Variants in ACACB observed in about 807,000 individuals in gnomAD.
The protein encoded by ACACB is acetyl-CoA carboxylase 2.
In ACACB, 209 loss-of-function variants were observed where a neutral mutation model predicts 278.8. The observed-to-expected ratio is 0.75, with a 90% CI of 0.67 to 0.84. The LOEUF is 0.84. Ranked by LOEUF, ACACB falls within the 40% of genes least tolerant of loss-of-function variation. The pLI is 0.00. For synonymous variants in ACACB, 1,174 were observed against 1,285.6 expected (o/e 0.91, Z 1.86); for missense variants, 2,850 against 3,269.0 (o/e 0.87, Z 3.13).
At chr12:109,177,307 A>G (rs1246087110) in intron 9 of ACACB, among the ~76,000 whole-genome samples, 1 of 152,246 alleles carries the variant, frequency 6.6e-6, no homozygotes, top group Non-Finnish European at 1.5e-5. Context: ...TATGAATAAT[A>G]ATACCACAGT....
chr12:109,243,076 T>C lies in ACACB; in HGVS notation c.5178+484T>C, dbSNP rs11065948. On this transcript the variant is annotated intron_variant, in intron 37 of 52. Coordinates refer to ENST00000338432, the MANE Select transcript of ACACB (RefSeq NM_001093.4). ...TAATTTATCCCAATGATAAAAGTCA[T>C]AGGATATAGAAACTTCAGAAAATAA... Among the ~76,000 whole-genome samples, 287 of 152,326 alleles carry C rather than the reference T, an allele frequency of 1.9e-3. 4 individuals are homozygous for C. The East Asian group carries it at 0.053, about 28-fold the overall frequency.
intron 2 of ACACB, among the ~76,000 whole-genome samples, chr12:109,147,048 C>T (rs77225233): frequency 2.0e-3 from 297 of 152,208 alleles, no homozygotes; most frequent in African/African-American, 6.7e-3. Context: ...ATTCTGTAGC[C>T]GGTCCTGCCT....
rs572695459 is a variant in ACACB at position 109,119,639 on chromosome 12, A to G, written c.-10+2935A>G. On this transcript the variant is annotated intron_variant, in intron 1 of 52. Coordinates refer to ENST00000338432, the MANE Select transcript of ACACB (RefSeq NM_001093.4). ...AGACAGGGCTGGGTGGCTCACGCCT[A>G]TAATCCCAGCACTTTGGGAGGCTGA... Among the ~76,000 whole-genome samples, 137 of 150,520 alleles carry G rather than the reference A, an allele frequency of 9.1e-4. 2 individuals are homozygous for G. The highest frequency in any genetic ancestry group is 3.2e-3 in the African/African-American group (132 of 40,918).
chr12:109,139,564 C>G lies in ACACB; in HGVS notation c.159C>G (p.Asn53Lys). Reference protein sequence around the residue: ...PSQEPFPASDNSGETPQRNGE... With the variant: ...PSQEPFPASDKSGETPQRNGE... ...AGGAGCCCTTTCCAGCCTCTGATAA[C>G]TCAGGGGAGACACCGCAGAGAAATG... Residue 53 changes from asparagine to lysine, a missense_variant, in exon 2 of 53, where the codon AAC becomes AAG. By Grantham distance (94) the Asn-to-Lys change is moderately conservative (BLOSUM62 0). Around this residue, in one of 3 missense-constraint regions of ACACB, gnomAD observed 2,265 missense variants for 2,561.3 expected, o/e 0.88. Transcript: ENST00000338432. The G allele has an allele frequency of 6.2e-7, 1 of 1,614,120 alleles. No individual in the cohort carries two copies. The highest frequency in any genetic ancestry group is 8.5e-7 in the Non-Finnish European group (1 of 1,180,028).
Position 109,252,111 on chromosome 12 carries a change from G to A in ACACB, c.5856G>A (p.Val1952=), listed in dbSNP as rs2047111431. The A allele has an allele frequency of 9.3e-6, 15 of 1,613,566 alleles. No homozygotes were observed. Among genetic ancestry groups the A allele is most frequent in the Non-Finnish European group, 1.2e-5 (14 of 1,179,814 alleles). Residue 1952 remains valine, a synonymous_variant, in exon 42 of 53, where the codon GTG becomes GTA. Transcript: ENST00000338432. The part of the protein sequence containing the change: ...LVRLGQRVIQ[V]ENSHIILTGA... ...GGCTGGGCCAGCGAGTGATCCAGGTGGAGAATTCCCACATCATCCTCACAG... is the reference window on the plus strand; with the variant it reads ...GGCTGGGCCAGCGAGTGATCCAGGTAGAGAATTCCCACATCATCCTCACAG...
rs2047285550 is a variant in ACACB at position 109,258,352 on chromosome 12, T to C, written c.6348T>C (p.Asp2116=). 6.2e-7 allele frequency: 1 copy of C among 1,611,514 alleles called. No individual in the cohort carries two copies. Among genetic ancestry groups the C allele is most frequent in the South Asian group, 1.1e-5 (1 of 90,524 alleles). Residue 2116 remains aspartate (D), a synonymous_variant, in exon 46 of 53, where the codon GAT becomes GAC. Coordinates refer to ENST00000338432, the MANE Select transcript of ACACB (RefSeq NM_001093.4). ...TCCCTGCAGACCCTGCCAACCTGGA[T>C]TCTGAGGCCAAGGTGAGGGGGCCGG... ...VAVPADPANL[D]SEAKIIQQAG...
chr12:109,248,359 C>T (rs2047004643), intron 40 of ACACB, among the ~76,000 whole-genome samples: 1 of 152,190 alleles, frequency 6.6e-6, no homozygotes, highest in South Asian at 2.1e-4. Context: ...AATTGACTCA[C>T]ATGATCATAA....
intron 11 of ACACB, among the ~76,000 whole-genome samples, chr12:109,182,311 G>A (rs2044504068): frequency 1.3e-5 from 2 of 152,110 alleles, no homozygotes; most frequent in Non-Finnish European, 2.9e-5. Flanking sequence ...TGTCTATTCA[G>A]ATCTTTTGTC....
intron 19 of ACACB, among the ~76,000 whole-genome samples, chr12:109,202,201 T>C (rs1202058508): frequency 2.1e-5 from 3 of 140,850 alleles, no homozygotes; most frequent in Non-Finnish European, 4.8e-5. Context: ...ATTTTTAGTA[T>C]AGTTTTAGAT....
Position 109,266,396 on chromosome 12 carries a change from C to A in ACACB, c.*34C>A. ...CGCCCAGCCACTCCCGGGACCACGG[C>A]AAAAGGAACCACCCAGACCCACCAC... On this transcript the variant is annotated 3_prime_UTR_variant, in exon 53 of 53. Transcript: ENST00000338432. 1 of 1,576,646 alleles carries A rather than the reference C, an allele frequency of 6.3e-7. No homozygotes were observed. The highest frequency in any genetic ancestry group is 8.6e-7 in the Non-Finnish European group (1 of 1,165,160).
At chr12:109,149,673 A>G (rs540937658) in intron 2 of ACACB, among the ~76,000 whole-genome samples, 1 of 152,314 alleles carries the variant, frequency 6.6e-6, no homozygotes, top group Non-Finnish European at 1.5e-5. Context: ...GGACACACTA[A>G]GGGATGAAAT....
intron 1 of ACACB, among the ~76,000 whole-genome samples, chr12:109,130,805 C>G (rs2135979003): frequency 6.6e-6 from 1 of 152,300 alleles, no homozygotes. Flanking sequence ...ACCACCCCCT[C>G]TTTGTCCCGA....
At chr12:109,226,854 G>A (rs899099680) in intron 27 of ACACB, among the ~76,000 whole-genome samples, 2 of 152,066 alleles carry the variant, frequency 1.3e-5, no homozygotes, top group African/African-American at 2.4e-5. Flanking sequence ...TCTTACAGAA[G>A]TTTATCAACC....
At chr12:109,170,630 G>T (rs1405564984) in intron 4 of ACACB, among the ~76,000 whole-genome samples, 2 of 152,040 alleles carry the variant, frequency 1.3e-5, no homozygotes, top group African/African-American at 4.8e-5. Flanking sequence ...GAAGATCGTT[G>T]GTTGCCAAGG....
At chr12:109,200,568 C>A (rs1156268205) in intron 18 of ACACB, among the ~76,000 whole-genome samples, 1 of 152,054 alleles carries the variant, frequency 6.6e-6, no homozygotes, top group Non-Finnish European at 1.5e-5. Context: ...AGGTGTTAAG[C>A]CAACACTTGC....
At chr12:109,146,763 T>C (rs1174108454) in intron 2 of ACACB, among the ~76,000 whole-genome samples, 8 of 151,976 alleles carry the variant, frequency 5.3e-5, no homozygotes, top group Non-Finnish European at 1.2e-4. Context: ...CAGCTTTGAC[T>C]TCCTGGGCTC....
Position 109,258,953 on chromosome 12 carries a change from C to T in ACACB, c.6361-20C>T. 1 of 1,612,978 alleles carries T rather than the reference C, an allele frequency of 6.2e-7. No homozygotes were observed. The highest frequency in any genetic ancestry group is 8.5e-7 in the Non-Finnish European group (1 of 1,179,428). On this transcript the variant is annotated intron_variant, in intron 46 of 52. Coordinates refer to ENST00000338432, the MANE Select transcript of ACACB (RefSeq NM_001093.4). ...TGTGGTTGTGCAGAGACATCTGATC[C>T]CCGCAGCTCTGTGTTCCAGATAATT...
chr12:109,192,936 AT>A (rs1269456504), intron 15 of ACACB, among the ~76,000 whole-genome samples: 1 of 152,132 alleles, frequency 6.6e-6, no homozygotes, highest in African/African-American at 2.4e-5. Context: ...AAGTGCTGAG[AT>A]TATAGGCGTG....
intron 2 of ACACB, among the ~76,000 whole-genome samples, chr12:109,150,499 G>A (rs531040562): frequency 5.9e-5 from 9 of 152,284 alleles, no homozygotes; most frequent in Middle Eastern, 6.8e-3. Context: ...GTTCCTTCCC[G>A]CCACCATTTA....
Sources: allele counts gnomAD v4.1 joint callset (sites outside exome capture counted in the v4.1 genomes callset), GRCh38; gene constraint gnomAD v4.1.1; regional missense constraint gnomAD v4.1.1; transcripts MANE v1.5; gene names NCBI Gene and HGNC (gene_info 2026-07-23, HGNC 2026-07-21).